The following BDP1 variants were observed in gnomAD, a reference collection of about 807,000 sequenced individuals.
BDP1 encodes transcription factor TFIIIB component B'' homolog.
Under a neutral mutation model 266.6 loss-of-function variants are expected in BDP1, and 169 were observed. The observed-to-expected ratio is 0.63, with a 90% CI of 0.56 to 0.72. BDP1 has a LOEUF of 0.72. BDP1 is among the 30% of genes least tolerant of loss of function. The pLI is 0.00. For missense variants in BDP1, 3,015 were observed against 3,053.8 expected (o/e 0.99, Z 0.30); for synonymous variants, 1,090 against 1,022.4 (o/e 1.07, Z -1.26).
intron 1 of BDP1, among the ~76,000 whole-genome samples, chr5:71,456,312 C>G (rs916323089): frequency 1.3e-5 from 2 of 152,172 alleles, no homozygotes; most frequent in African/African-American, 4.8e-5. Context: ...CGAGAGGAGA[C>G]CATGTCTTCA....
chr5:71,555,602 G>A (rs962709546), intron 35 of BDP1, among the ~76,000 whole-genome samples: 1 of 152,020 alleles, frequency 6.6e-6, no homozygotes, highest in Non-Finnish European at 1.5e-5. Context: ...ACCACGCCCA[G>A]CTAATTTTGT....
At chr5:71,458,888 C>T (rs765018043) in intron 2 of BDP1, 33 bp downstream of exon 2, 1 of 1,578,502 alleles carries the variant, frequency 6.3e-7, no homozygotes, top group Non-Finnish European at 8.6e-7. Context: ...TTGATGTTGC[C>T]TTCTATTTAT....
rs116446323 is a variant in BDP1, at chr5:71,495,937, C to T, written c.1799+529C>T. On this transcript the variant is annotated intron_variant, in intron 12 of 38. Transcript: ENST00000358731. ...CTTGTAATTCCTCATCTCATATGGG[C>T]TTAAAAGCTATTAATAGTTTATGGG... Among the ~76,000 whole-genome samples, 368 of 152,122 alleles carry T rather than the reference C, an allele frequency of 2.4e-3. 2 individuals carry two copies. Among genetic ancestry groups the T allele is most frequent in the African/African-American group, 8.5e-3 (354 of 41,506 alleles).
intron 7 of BDP1, among the ~76,000 whole-genome samples, chr5:71,480,048 G>C (rs561410658): frequency 6.6e-6 from 1 of 151,398 alleles, no homozygotes; most frequent in East Asian, 2.0e-4. Flanking sequence ...AGGTTCAATC[G>C]ATTCTCCTTC....
rs144826873 is a variant in BDP1 at position 71,517,954 on chromosome 5, T to A, written c.4991+502T>A. ...GAAGTTTATAACCTACTGACTAAAA[T>A]TCATTAATAGGTAGTGCTATAAAGT... On this transcript the variant is annotated intron_variant, in intron 22 of 38. Coordinates refer to ENST00000358731, the MANE Select transcript of BDP1 (RefSeq NM_018429.3). Among the ~76,000 whole-genome samples the A allele has an allele frequency of 7.0e-3, 1,058 of 152,214 alleles. 11 individuals carry two copies. The highest frequency in any genetic ancestry group is 0.023 in the African/African-American group (956 of 41,530).
At position 71,565,730 on chromosome 5, in the gene BDP1, T is replaced by C. The variant is rs914156043; in HGVS notation, c.*845T>C. ...TGTAGTTAAGGGACACGTGACTATA[T>C]GTGAAAACAAATTGTCAAACTTCAC... is the stretch of plus-strand genomic sequence containing the variant. On this transcript the variant is annotated 3_prime_UTR_variant, in exon 39 of 39. Transcript: ENST00000358731. The C allele has an allele frequency of 6.5e-6, 1 of 154,224 alleles. No homozygotes were observed. The highest frequency in any genetic ancestry group is 2.4e-5 in the African/African-American group (1 of 41,486). 9.6% of individuals were successfully genotyped at this position (154,224 alleles called of 1,614,324 possible).
chr5:71,556,776 C>A, intron 35 of BDP1, 110 bp from the exon 36 acceptor site: 2 of 539,492 alleles, frequency 3.7e-6, no homozygotes, highest in South Asian at 5.6e-5. Flanking sequence ...CCTCTAAGAG[C>A]TTTTTGGGAG....
In BDP1 at chr5:71,455,924, G is replaced by T. The variant is rs751876293; in HGVS notation, c.47G>T (p.Gly16Val). 10 of 1,610,160 alleles carry T rather than the reference G, an allele frequency of 6.2e-6. No homozygotes were observed. In the East Asian group the frequency reaches 1.8e-4, roughly 29 times the overall value. ...RLSVKPNVRP[G>V]VGARGSTASN... ...AGCGTGAAGCCGAATGTCAGGCCTGGTGTAGGCGCCAGGGGCTCCACAGCT... is the reference window on the plus strand; with the variant it reads ...AGCGTGAAGCCGAATGTCAGGCCTGTTGTAGGCGCCAGGGGCTCCACAGCT... The change falls in exon 1 of 39, where the codon GGT becomes GTT. Residue 16 changes from glycine (G) to valine (V), a missense_variant. Physicochemically the swap from Gly to Val is moderately radical, Grantham distance 109. Coordinates refer to ENST00000358731, the MANE Select transcript of BDP1 (RefSeq NM_018429.3).
At chr5:71,502,923 C>G in intron 15 of BDP1, 132 bp downstream of exon 15, 2 of 717,504 alleles carry the variant, frequency 2.8e-6, no homozygotes, top group Admixed American at 3.0e-5. Flanking sequence ...GAGTCTTGCT[C>G]TGTCGCCCAG....
intron 22 of BDP1, among the ~76,000 whole-genome samples, chr5:71,521,515 C>A (rs1295667672): frequency 6.6e-6 from 1 of 152,024 alleles, no homozygotes; most frequent in Non-Finnish European, 1.5e-5. Flanking sequence ...TGGTCTCAAA[C>A]TCCCGACCTC....
At chr5:71,480,944 A>G (rs1042372778) in intron 7 of BDP1, among the ~76,000 whole-genome samples, 1 of 152,186 alleles carries the variant, frequency 6.6e-6, no homozygotes, top group African/African-American at 2.4e-5. Context: ...TGGGAGGCCA[A>G]GGCGGGTGGA....
chr5:71,551,781 C>T lies in BDP1; in HGVS notation c.6996-1335C>T, dbSNP rs577895718. Reference sequence around the variant, plus strand: ...GCGGCTGGCCGGGAGGGGGGCTGACCCCCCCACCTCCCTCCCAGACGGGGT... The same window carrying T: ...GCGGCTGGCCGGGAGGGGGGCTGACTCCCCCACCTCCCTCCCAGACGGGGT... On this transcript the variant is annotated intron_variant, in intron 34 of 38. Coordinates refer to ENST00000358731, the MANE Select transcript of BDP1 (RefSeq NM_018429.3). 1.9e-4 allele frequency among the ~76,000 whole-genome samples: 29 copies of T among 150,676 alleles called. No individual in the cohort carries two copies. In the South Asian group the frequency reaches 3.8e-3, roughly 20 times the overall value.
At position 71,523,990 on chromosome 5, in the gene BDP1, G is replaced by A; in HGVS notation, c.5439G>A (p.Gly1813=). Residue 1813 remains glycine, a synonymous_variant, in exon 25 of 39, where the codon GGG becomes GGA. Transcript: ENST00000358731. ...ETSYSKIALD[G]KTTISSTSEY... Reference sequence around the variant, plus strand: ...GTTACTCTAAAATTGCCCTGGATGGGAAAACAACTATCTCTTCTACATCTG... The same window carrying A: ...GTTACTCTAAAATTGCCCTGGATGGAAAAACAACTATCTCTTCTACATCTG... The A allele has an allele frequency of 1.2e-6, 2 of 1,614,092 alleles. No homozygotes were observed. The highest frequency in any genetic ancestry group is 2.2e-5 in the East Asian group (1 of 44,884).
downstream of BDP1, among the ~76,000 whole-genome samples, chr5:71,571,759 G>C (rs749496756): frequency 3.3e-5 from 5 of 151,954 alleles, no homozygotes; most frequent in Non-Finnish European, 7.4e-5. Flanking sequence ...TCAGCCTCCC[G>C]AGTAGCTGGA....
chr5:71,574,298 T>C, the BDP1 span, among the ~76,000 whole-genome samples: 2 of 152,316 alleles, frequency 1.3e-5, no homozygotes, highest in African/African-American at 4.8e-5. Flanking sequence ...TTGTCCTCGC[T>C]GTAACAAAGG....
intron 37 of BDP1, 152 bp downstream of exon 37, chr5:71,560,389 A>G: frequency 1.2e-6 from 1 of 845,608 alleles, no homozygotes; most frequent in Non-Finnish European, 1.8e-6. Context: ...CCAAGGAAAT[A>G]CAGTAATATT....
At chr5:71,562,580 C>G in intron 38 of BDP1, 60 bp downstream of exon 38, 1 of 1,549,860 alleles carries the variant, frequency 6.5e-7, no homozygotes, top group South Asian at 1.2e-5. Flanking sequence ...TGAGATTCAA[C>G]TAGGGAAAAC....
chr5:71,528,002 G>T (rs556777245), intron 25 of BDP1, among the ~76,000 whole-genome samples: 1 of 151,978 alleles, frequency 6.6e-6, no homozygotes, highest in South Asian at 2.1e-4. Context: ...TGTATTTTTA[G>T]TAGAGGTGGG....
chr5:71,546,299 T>C (rs1449604053), intron 32 of BDP1, among the ~76,000 whole-genome samples: 6 of 152,162 alleles, frequency 3.9e-5, no homozygotes, highest in African/African-American at 1.4e-4. Flanking sequence ...TTTGTTTTTT[T>C]ACTCTGTCTT....
Sources: gnomAD v4.1 joint callset for allele counts (sites outside exome capture counted in the v4.1 genomes callset) on GRCh38, gnomAD v4.1.1 for gene constraint, MANE v1.5 for transcripts, NCBI Gene and HGNC (gene_info 2026-07-23, HGNC 2026-07-21) for gene names.